SHLD1: variants seen among roughly 807,000 people sequenced by gnomAD.
SHLD1 encodes the protein RINN1-REV7-interacting novel NHEJ regulator 3.
In SHLD1, 3 loss-of-function variants were observed where a neutral mutation model predicts 5.5. The ratio of observed to expected loss-of-function variants is 0.54; its 90% CI spans 0.25 to 1.40. The LOEUF is 1.40. Ranked by LOEUF, SHLD1 falls within the 40% of genes most tolerant of loss-of-function variation. The pLI is 0.15. For missense variants in SHLD1, 210 were observed against 244.4 expected (o/e 0.86, Z 0.94); for synonymous variants, 92 against 94.3 (o/e 0.98, Z 0.14).
At chr20:5,846,082 T>C (rs1432812499) in intron 2 of SHLD1, among the ~76,000 whole-genome samples, 1 of 152,236 alleles carries the variant, frequency 6.6e-6, no homozygotes, top group Non-Finnish European at 1.5e-5. Flanking sequence ...TCCTCATCTA[T>C]TACAGATGTT....
intron 2 of SHLD1, among the ~76,000 whole-genome samples, chr20:5,837,461 C>A (rs1299591094): frequency 6.6e-6 from 1 of 152,052 alleles, no homozygotes; most frequent in Non-Finnish European, 1.5e-5. Flanking sequence ...CTCCCTCCCC[C>A]CACACACCCC....
At chr20:5,784,641 G>A (rs926809188) in intron 2 of SHLD1, among the ~76,000 whole-genome samples, 24 of 151,964 alleles carry the variant, frequency 1.6e-4, no homozygotes, top group Admixed American at 9.2e-4. Context: ...TAGTAGAGAC[G>A]GGGTTTCACC....
chr20:5,788,455 A>G (rs2087092385), intron 2 of SHLD1, among the ~76,000 whole-genome samples: 1 of 152,232 alleles, frequency 6.6e-6, no homozygotes, highest in Non-Finnish European at 1.5e-5. Flanking sequence ...TTTTCAGCCA[A>G]TAATACCCAG....
intron 2 of SHLD1, among the ~76,000 whole-genome samples, chr20:5,859,679 T>C (rs2088135228): frequency 6.6e-6 from 1 of 152,190 alleles, no homozygotes; most frequent in South Asian, 2.1e-4. Flanking sequence ...TTATAGTTGG[T>C]AGTAAAGCAA....
chr20:5,860,836 T>G (rs115342261), intron 2 of SHLD1, among the ~76,000 whole-genome samples: 1 of 133,802 alleles, frequency 7.5e-6, no homozygotes, highest in Non-Finnish European at 1.5e-5. Flanking sequence ...GTAAAAGCTC[T>G]GGGCATAGCA....
intron 2 of SHLD1, among the ~76,000 whole-genome samples, chr20:5,828,119 A>G (rs1290653045): frequency 6.6e-6 from 1 of 152,044 alleles, no homozygotes; most frequent in Non-Finnish European, 1.5e-5. Flanking sequence ...TAACCAAGTC[A>G]CTCCCTAACT....
At chr20:5,834,135 A>G (rs1450925575) in intron 2 of SHLD1, among the ~76,000 whole-genome samples, 1 of 152,192 alleles carries the variant, frequency 6.6e-6, no homozygotes, top group Non-Finnish European at 1.5e-5. Context: ...GGGAAAGCAG[A>G]TCGGGAGCTA....
In SHLD1 at chr20:5,756,896, A is replaced by G. The variant is rs779167703; in HGVS notation, c.-5+6417A>G. The G allele has an allele frequency of 2.3e-5, 4 of 171,378 alleles. No individual in the cohort carries two copies. The South Asian group carries it at 3.3e-4, about 14-fold the overall frequency. 10.6% of individuals were successfully genotyped at this position (171,378 alleles called of 1,614,324 possible). A position where few individuals can be genotyped will look rare whatever the true frequency, so the allele number is the denominator to read the frequency against. ...AGATAGTTTTACTGTTCCCTCTCCA[A>G]TCTGAATGTCCCTGCCTAATTGCCC... On this transcript the variant is annotated intron_variant, in intron 1 of 2. Coordinates refer to ENST00000303142, the MANE Select transcript of SHLD1 (RefSeq NM_152504.4).
At chr20:5,791,303 AC>A (rs2087135827) in intron 2 of SHLD1, among the ~76,000 whole-genome samples, 1 of 151,616 alleles carries the variant, frequency 6.6e-6, no homozygotes, top group African/African-American at 2.4e-5. Flanking sequence ...AGTGGCTTCC[AC>A]CTGTAATCCT....
intron 1 of SHLD1, among the ~76,000 whole-genome samples, chr20:5,755,073 AAAG>A (rs1278120905): frequency 2.0e-5 from 3 of 152,214 alleles, no homozygotes; most frequent in East Asian, 1.9e-4. Flanking sequence ...AAAAAAGAAA[AAAG>A]AAGAGAAATG....
At chr20:5,860,055 C>A (rs77341222) in intron 2 of SHLD1, among the ~76,000 whole-genome samples, 5,420 of 152,054 alleles carry the variant, frequency 0.036, 131 homozygotes, top group Middle Eastern at 0.11. Context: ...GGTGGGCATC[C>A]CCCGCTCTCT....
chr20:5,787,703 T>C (rs2087078969), intron 2 of SHLD1, among the ~76,000 whole-genome samples: 2 of 152,290 alleles, frequency 1.3e-5, no homozygotes, highest in Middle Eastern at 3.4e-3. Flanking sequence ...GGCTGGTGAA[T>C]GAATAAATGA....
At chr20:5,762,717 G>C (rs1284232462) in intron 1 of SHLD1, among the ~76,000 whole-genome samples, 1 of 152,072 alleles carries the variant, frequency 6.6e-6, no homozygotes, top group Non-Finnish European at 1.5e-5. Context: ...GCTCACGTCT[G>C]TAATCCCAGC....
chr20:5,758,380 G>A (rs969265047), intron 1 of SHLD1, among the ~76,000 whole-genome samples: 6 of 147,906 alleles, frequency 4.1e-5, no homozygotes, highest in Non-Finnish European at 7.5e-5. Flanking sequence ...GAAGGGAAAG[G>A]AAGGGAAGGA....
chr20:5,794,126 T>C (rs888787766), intron 2 of SHLD1, among the ~76,000 whole-genome samples: 2 of 152,218 alleles, frequency 1.3e-5, no homozygotes, highest in African/African-American at 4.8e-5. Flanking sequence ...CTTGATTCTA[T>C]AGCTAGCTAA....
intron 2 of SHLD1, among the ~76,000 whole-genome samples, chr20:5,792,679 T>TAA (rs57720731): frequency 0.28 from 39,445 of 142,632 alleles, 5,364 homozygotes; most frequent in Middle Eastern, 0.35. Context: ...TTCTTTTTTT[T>TAA]AAAAAAAAAA....
At chr20:5,835,338 T>TA (rs2122452164) in intron 2 of SHLD1, among the ~76,000 whole-genome samples, 1 of 152,322 alleles carries the variant, frequency 6.6e-6, no homozygotes, top group Non-Finnish European at 1.5e-5. Flanking sequence ...CACTAAAAAA[T>TA]ATCTACCATC....
rs551507091 is a variant in SHLD1 at position 5,789,882 on chromosome 20, G to C, written c.178+16839G>C. Among the ~76,000 whole-genome samples, 151 of 152,202 alleles carry C rather than the reference G, an allele frequency of 9.9e-4. 2 individuals are homozygous for C. Among genetic ancestry groups the C allele is most frequent in the African/African-American group, 3.5e-3 (147 of 41,526 alleles). ...CAACCTAGCAACAAGAAGGTGGCCC[G>C]GGACCTTCTCCCCAGGACTGACAGA... On this transcript the variant is annotated intron_variant, in intron 2 of 2. Transcript: ENST00000303142.
intron 2 of SHLD1, among the ~76,000 whole-genome samples, chr20:5,819,854 C>A (rs1056365258): frequency 1.3e-5 from 2 of 152,184 alleles, no homozygotes; most frequent in African/African-American, 4.8e-5. Flanking sequence ...CATCATGTAA[C>A]TTGCTAAGAC....
Sources: gnomAD v4.1 joint callset for allele counts (sites outside exome capture counted in the v4.1 genomes callset) on GRCh38, gnomAD v4.1.1 for gene constraint, MANE v1.5 for transcripts, NCBI Gene and HGNC (gene_info 2026-07-23, HGNC 2026-07-21) for gene names.